ELAPOR1: variants seen among roughly 807,000 people sequenced by gnomAD.
ELAPOR1 encodes endosome/lysosome-associated apoptosis and autophagy regulator 1.
ELAPOR1 carries 77 observed loss-of-function variants against 119.7 expected under a neutral mutation model. The observed-to-expected ratio is 0.64, with a 90% confidence interval of 0.54 to 0.78. The LOEUF is 0.78. Among genes scored for constraint, ELAPOR1 ranks in the 30% least tolerant of loss-of-function variants. The probability of loss-of-function intolerance (pLI) is 0.00; values close to 1 mark genes in which losing one functional copy is unlikely to be tolerated. For missense variants in ELAPOR1, 1,115 were observed against 1,270.4 expected, an observed-to-expected ratio of 0.88 and a Z score of 1.86; for synonymous variants, 481 against 487.2, an observed-to-expected ratio of 0.99 and a Z score of 0.17.
chr1:109,136,192 T>C (rs1284009629), intron 1 of ELAPOR1, among the ~76,000 whole-genome samples: 1 of 152,188 alleles, frequency 6.6e-6, no homozygotes, highest in Non-Finnish European at 1.5e-5. Flanking sequence ...TGAGACCTTA[T>C]TTGGAAATGG....
chr1:109,132,892 A>G (rs1649234053), intron 1 of ELAPOR1, among the ~76,000 whole-genome samples: 1 of 152,174 alleles, frequency 6.6e-6, no homozygotes, highest in South Asian at 2.1e-4. Flanking sequence ...ACCTCCGTCA[A>G]AATAGTAAAA....
chr1:109,141,461 C>G lies in ELAPOR1; in HGVS notation c.154-20433C>G, dbSNP rs1649823452. Among the ~76,000 whole-genome samples, 4 of 151,332 alleles carry G rather than the reference C, an allele frequency of 2.6e-5. No homozygotes were observed. In the South Asian group the frequency reaches 8.4e-4, roughly 32 times the overall value. ...TATTTTTAGTAGAGACAGGGTTTCA[C>G]CGTGTTAGCCAGGATGATCTCGAAT... On this transcript the variant is annotated intron_variant, in intron 1 of 21. Transcript: ENST00000369939.
chr1:109,167,866 C>T (rs1227515985), intron 3 of ELAPOR1, among the ~76,000 whole-genome samples: 1 of 152,204 alleles, frequency 6.6e-6, no homozygotes, highest in African/African-American at 2.4e-5. Flanking sequence ...GCCTCAACCT[C>T]CCAAAGTACT....
intron 1 of ELAPOR1, among the ~76,000 whole-genome samples, chr1:109,125,949 A>G (rs932045088): frequency 1.3e-5 from 2 of 152,186 alleles, no homozygotes; most frequent in African/African-American, 4.8e-5. Context: ...ACCAGGAGTG[A>G]AGTGTTCCAT....
intron 1 of ELAPOR1, among the ~76,000 whole-genome samples, chr1:109,123,531 G>A (rs1028873687): frequency 1.3e-5 from 2 of 152,174 alleles, no homozygotes; most frequent in Non-Finnish European, 2.9e-5. Context: ...TCAAGGAAAA[G>A]CATACAAAGT....
intron 1 of ELAPOR1, among the ~76,000 whole-genome samples, chr1:109,161,409 CAAAAAA>C (rs59573644): frequency 1.8e-5 from 1 of 56,332 alleles, no homozygotes; most frequent in Non-Finnish European, 3.5e-5. Flanking sequence ...GACTCCGTCT[CAAAAAA>C]AAAAAAAAAA....
intron 3 of ELAPOR1, among the ~76,000 whole-genome samples, chr1:109,165,245 C>T (rs762955427): frequency 6.6e-6 from 1 of 152,106 alleles, no homozygotes; most frequent in East Asian, 1.9e-4. Context: ...TGAGCTATGA[C>T]CGCACCACTG....
At chr1:109,116,399 C>T (rs1175048033) in intron 1 of ELAPOR1, among the ~76,000 whole-genome samples, 2 of 152,192 alleles carry the variant, frequency 1.3e-5, no homozygotes, top group Admixed American at 6.5e-5. Context: ...TACCCACCCT[C>T]CTTCTCTGTT....
intron 1 of ELAPOR1, among the ~76,000 whole-genome samples, chr1:109,151,584 T>C (rs1650532644): frequency 6.6e-6 from 1 of 152,226 alleles, no homozygotes; most frequent in African/African-American, 2.4e-5. Flanking sequence ...GGGGAACTCA[T>C]GTTCCAAATT....
chr1:109,199,733 G>T, intron 18 of ELAPOR1, 121 bp from the exon 19 acceptor site: 2 of 1,154,332 alleles, frequency 1.7e-6, no homozygotes, highest in South Asian at 2.9e-5. Flanking sequence ...GATCCTGGTA[G>T]GGCTAATGGT....
At position 109,136,422 on chromosome 1, in the gene ELAPOR1, G is replaced by A. The variant is rs546147581; in HGVS notation, c.153+22086G>A. Among the ~76,000 whole-genome samples, 14 of 152,302 alleles carry A rather than the reference G, an allele frequency of 9.2e-5. No homozygotes were observed. In the South Asian group the frequency reaches 2.7e-3, roughly 29 times the overall value. On this transcript the variant is annotated intron_variant, in intron 1 of 21. Transcript: ENST00000369939. ...AGAAGCAGGGGCCAGATTCTCCCTT[G>A]TGGCTTCCGAAGGAACCAGCCCTGC... is the stretch of plus-strand genomic sequence containing the variant.
Position 109,118,617 on chromosome 1 carries a change from C to T in ELAPOR1, c.153+4281C>T, listed in dbSNP as rs907499670. 7.9e-5 allele frequency among the ~76,000 whole-genome samples: 12 copies of T among 152,070 alleles called. No individual in the cohort carries two copies. In the East Asian group the frequency reaches 1.7e-3, roughly 22 times the overall value. ...GGCGTCTGTGTGAAAAACATGCTGA[C>T]GGTGGAGGTTAGAGGATTTGGCAAC... On this transcript the variant is annotated intron_variant, in intron 1 of 21. Coordinates refer to ENST00000369939, the MANE Select transcript of ELAPOR1 (RefSeq NM_020775.5).
At chr1:109,161,409 C>CAAA (rs59573644) in intron 1 of ELAPOR1, among the ~76,000 whole-genome samples, 36 of 56,286 alleles carry the variant, frequency 6.4e-4, no homozygotes, top group East Asian at 2.3e-3. Context: ...GACTCCGTCT[C>CAAA]AAAAAAAAAA....
chr1:109,171,149 A>G (rs1293102751), intron 3 of ELAPOR1, among the ~76,000 whole-genome samples: 1 of 152,176 alleles, frequency 6.6e-6, no homozygotes, highest in East Asian at 1.9e-4. Flanking sequence ...CCCCAGTTTC[A>G]TCATCTCTTA....
chr1:109,199,942 T>G lies in ELAPOR1; in HGVS notation c.2590T>G (p.Tyr864Asp), dbSNP rs771509891. Residue 864 changes from tyrosine to aspartate, a missense_variant, in exon 19 of 22, where the codon TAC becomes GAC. Transcript: ENST00000369939. ...AACPLCSVADYHAIVSSCVAG... is the reference protein window; with the variant it reads ...AACPLCSVADDHAIVSSCVAG... Reference sequence around the variant, plus strand: ...TTGCCCGCTCTGCTCAGTGGCTGACTACCATGCTATCGTCAGCAGCTGTGT... The same window carrying G: ...TTGCCCGCTCTGCTCAGTGGCTGACGACCATGCTATCGTCAGCAGCTGTGT... 1.2e-6 allele frequency: 2 copies of G among 1,614,026 alleles called. No homozygotes were observed. The highest frequency in any genetic ancestry group is 2.2e-5 in the South Asian group (2 of 91,094).
At chr1:109,151,324 G>A (rs752525564) in intron 1 of ELAPOR1, among the ~76,000 whole-genome samples, 1 of 151,082 alleles carries the variant, frequency 6.6e-6, no homozygotes, top group Non-Finnish European at 1.5e-5. Context: ...AAGGGAGTGG[G>A]AGGAGGGAGG....
At chr1:109,131,373 C>T (rs895266992) in intron 1 of ELAPOR1, among the ~76,000 whole-genome samples, 1 of 152,142 alleles carries the variant, frequency 6.6e-6, no homozygotes, top group Non-Finnish European at 1.5e-5. Context: ...ATTCAGTGCA[C>T]CTTCCAGGGG....
chr1:109,190,230 G>A (rs1418829722), intron 11 of ELAPOR1, among the ~76,000 whole-genome samples: 3 of 152,172 alleles, frequency 2.0e-5, no homozygotes, highest in Non-Finnish European at 2.9e-5. Flanking sequence ...CCGCTTACTG[G>A]CCGTGCGACC....
chr1:109,155,005 T>C (rs1650783802), intron 1 of ELAPOR1, among the ~76,000 whole-genome samples: 1 of 151,992 alleles, frequency 6.6e-6, no homozygotes, highest in Non-Finnish European at 1.5e-5. Context: ...GGATGTGTGT[T>C]TATGTGTGTT....
Sources: allele counts gnomAD v4.1 joint callset (sites outside exome capture counted in the v4.1 genomes callset), GRCh38; gene constraint gnomAD v4.1.1; transcripts MANE v1.5; gene names NCBI Gene and HGNC (gene_info 2026-07-23, HGNC 2026-07-21).